Variants in LIN9 observed in about 807,000 individuals in gnomAD.
LIN9 encodes lin-9 DREAM MuvB core complex component, also known as protein lin-9 homolog.
In LIN9, 18 loss-of-function variants were observed where a neutral mutation model predicts 78.0. That is an observed-to-expected ratio of 0.23 (90% CI 0.16 to 0.34). LIN9 has a LOEUF of 0.34. Ranked by LOEUF, LIN9 falls within the 10% of genes least tolerant of loss-of-function variation. The pLI, the probability that LIN9 is intolerant of heterozygous loss-of-function variation, is 1.00. For synonymous variants in LIN9, 192 were observed against 215.2 expected (o/e 0.89, Z 0.94); for missense variants, 451 against 644.1 (o/e 0.70, Z 3.25).
At chr1:226,235,205 A>G (rs1262658580) in intron 12 of LIN9, among the ~76,000 whole-genome samples, 2 of 151,344 alleles carry the variant, frequency 1.3e-5, no homozygotes, top group Non-Finnish European at 2.9e-5. Flanking sequence ...GCCTGTAATC[A>G]TAGCTACTGG....
intron 7 of LIN9, among the ~76,000 whole-genome samples, chr1:226,273,834 C>CTTTTTTT (rs572172734): frequency 2.9e-5 from 4 of 137,136 alleles, no homozygotes; most frequent in Non-Finnish European, 3.1e-5. Context: ...CTCAACATTA[C>CTTTTTTT]TTTTTTTTTT....
intron 8 of LIN9, among the ~76,000 whole-genome samples, chr1:226,267,159 A>G (rs1397937312): frequency 1.3e-5 from 2 of 151,210 alleles, no homozygotes; most frequent in African/African-American, 4.9e-5. Flanking sequence ...TCTGTTCTAC[A>G]TTTAGTTCTA....
At chr1:226,264,449 T>C (rs990905941) in intron 10 of LIN9, among the ~76,000 whole-genome samples, 1 of 152,148 alleles carries the variant, frequency 6.6e-6, no homozygotes, top group African/African-American at 2.4e-5. Flanking sequence ...CAGAATGCTA[T>C]ATACAGACAC....
chr1:226,305,306 C>CA (rs1204120899), intron 1 of LIN9, among the ~76,000 whole-genome samples: 48 of 19,102 alleles, frequency 2.5e-3, no homozygotes, highest in Admixed American at 4.1e-3. Flanking sequence ...CTCGTCTCTA[C>CA]AAAAAAAAGA....
intron 6 of LIN9, among the ~76,000 whole-genome samples, chr1:226,278,708 C>T (rs1023577693): frequency 1.3e-5 from 2 of 151,722 alleles, no homozygotes; most frequent in Non-Finnish European, 2.9e-5. Context: ...CCTATAATCC[C>T]AGCTACTCAG....
At chr1:226,304,987 C>G (rs1249011251) in intron 1 of LIN9, among the ~76,000 whole-genome samples, 1 of 151,748 alleles carries the variant, frequency 6.6e-6, no homozygotes, top group Non-Finnish European at 1.5e-5. Flanking sequence ...GGCAGGAGTT[C>G]GAGACCAGCC....
intron 11 of LIN9, among the ~76,000 whole-genome samples, chr1:226,244,369 T>G (rs967744792): frequency 6.6e-6 from 1 of 151,974 alleles, no homozygotes; most frequent in Non-Finnish European, 1.5e-5. Flanking sequence ...GAGGCAGACG[T>G]TGCAGTGAGC....
intron 10 of LIN9, among the ~76,000 whole-genome samples, chr1:226,259,177 C>A (rs1021611213): frequency 6.6e-6 from 1 of 151,906 alleles, no homozygotes; most frequent in Non-Finnish European, 1.5e-5. Context: ...CCAGGCTGGT[C>A]TCGAATTCCT....
intron 12 of LIN9, among the ~76,000 whole-genome samples, chr1:226,238,241 G>A (rs1413653790): frequency 6.6e-6 from 1 of 152,072 alleles, no homozygotes; most frequent in Non-Finnish European, 1.5e-5. Flanking sequence ...AAATTGTATG[G>A]CCAGCATGAT....
intron 5 of LIN9, among the ~76,000 whole-genome samples, chr1:226,287,237 C>A (rs142228450): frequency 2.6e-5 from 4 of 152,166 alleles, no homozygotes; most frequent in Non-Finnish European, 5.9e-5. Context: ...GTATACCTAG[C>A]GTGCTTAAGT....
At chr1:226,272,663 G>A (rs1434441842) in intron 7 of LIN9, among the ~76,000 whole-genome samples, 1 of 150,978 alleles carries the variant, frequency 6.6e-6, no homozygotes, top group Non-Finnish European at 1.5e-5. Flanking sequence ...CCTGGAATGT[G>A]TCTAGACTTG....
intron 4 of LIN9, among the ~76,000 whole-genome samples, chr1:226,292,454 A>G (rs2102645743): frequency 6.6e-6 from 1 of 152,026 alleles, no homozygotes. Flanking sequence ...GCACCAGACC[A>G]GAAACATAAA....
intron 14 of LIN9, 183 bp downstream of exon 14, chr1:226,232,913 T>C (rs1193827168): frequency 2.0e-6 from 1 of 508,604 alleles, no homozygotes; most frequent in Non-Finnish European, 3.4e-6. Flanking sequence ...TTTCTTTATA[T>C]ACAAAATCCA....
At chr1:226,309,445 C>T (rs1576373390), upstream of LIN9, 1 of 1,080,088 alleles carries the variant, frequency 9.3e-7, no homozygotes, top group Middle Eastern at 3.2e-4. Context: ...GCAGTACCAG[C>T]TCCGGAGTCC....
intron 6 of LIN9, among the ~76,000 whole-genome samples, chr1:226,280,534 T>C (rs1255971703): frequency 6.6e-6 from 1 of 152,090 alleles, no homozygotes; most frequent in African/African-American, 2.4e-5. Context: ...TCCCAGCACT[T>C]TGGGAGGCCG....
intron 1 of LIN9, chr1:226,308,639 G>A (rs567954786): frequency 6.5e-6 from 1 of 152,698 alleles, no homozygotes; most frequent in Non-Finnish European, 1.5e-5. Flanking sequence ...CAAGATCAGA[G>A]GCTGGGGCAA....
At chr1:226,240,649 T>G (rs903989521) in intron 11 of LIN9, among the ~76,000 whole-genome samples, 2 of 151,900 alleles carry the variant, frequency 1.3e-5, no homozygotes, top group Non-Finnish European at 2.9e-5. Flanking sequence ...TTGGCCTCCC[T>G]AAGTGCTGGG....
At chr1:226,255,426 G>A (rs1189006321) in intron 10 of LIN9, among the ~76,000 whole-genome samples, 1 of 152,158 alleles carries the variant, frequency 6.6e-6, no homozygotes, top group Non-Finnish European at 1.5e-5. Context: ...TACCACATAA[G>A]AGGAGGAAAA....
At chr1:226,303,413 T>C (rs1008828234) in intron 1 of LIN9, among the ~76,000 whole-genome samples, 9 of 151,832 alleles carry the variant, frequency 5.9e-5, no homozygotes, top group Non-Finnish European at 1.3e-4. Context: ...AGGGTGGGGA[T>C]GGAGGGAAGG....
Sources: allele counts gnomAD v4.1 joint callset (sites outside exome capture counted in the v4.1 genomes callset), GRCh38; gene constraint gnomAD v4.1.1; transcripts MANE v1.5; gene names NCBI Gene and HGNC (gene_info 2026-07-23, HGNC 2026-07-21).